CCDC159: variants seen among roughly 807,000 people sequenced by gnomAD.
The protein encoded by CCDC159 is coiled-coil domain-containing protein 159.
In CCDC159, 40 loss-of-function variants were observed where a neutral mutation model predicts 50.9. The observed-to-expected ratio is 0.79, with a 90% CI of 0.61 to 1.02. The LOEUF (loss-of-function observed/expected upper bound fraction) is 1.02, where lower values mean the gene tolerates loss of function less well. CCDC159 is among the 50% of genes least tolerant of loss of function. The pLI, the probability that CCDC159 is intolerant of heterozygous loss-of-function variation, is 0.00. For synonymous variants in CCDC159, 146 were observed against 138.9 expected (o/e 1.05, Z -0.36); for missense variants, 356 against 371.5 (o/e 0.96, Z 0.34).
chr19:11,353,706 A>C, intron 8 of CCDC159, 86 bp from the exon 9 acceptor site: 2 of 1,532,200 alleles, frequency 1.3e-6, no homozygotes, highest in Non-Finnish European at 1.8e-6. Flanking sequence ...TCACCCCACC[A>C]CGGCCCCCAA....
Position 11,349,979 on chromosome 19 carries a change from C to T in CCDC159, c.97C>T (p.Arg33Ter), listed in dbSNP as rs769861667. The T allele has an allele frequency of 3.7e-5, 59 of 1,613,712 alleles. No individual in the cohort carries two copies. Among genetic ancestry groups the T allele is most frequent in the Middle Eastern group, 1.6e-4 (1 of 6,084 alleles). The change falls in exon 3 of 11, where the codon CGA becomes TGA. Residue 33 changes from arginine to a stop codon, truncating the protein, a stop_gained. Coordinates refer to ENST00000458408, the MANE Select transcript of CCDC159 (RefSeq NM_001080503.3). LOFTEE classifies it high-confidence loss of function. ...VMIPDSQKLL[R>*]CELESLKSQL... ...GATTCCCGACTCCCAGAAGCTCCTG[C>T]GATGTGAACTTGAGTCACTCAAGAG... is the stretch of plus-strand genomic sequence containing the variant.
In CCDC159 at chr19:11,350,829, G is replaced by A. The variant is rs373250542; in HGVS notation, c.248G>A (p.Arg83His). 2.9e-5 allele frequency: 45 copies of A among 1,549,668 alleles called. No homozygotes were observed. Among genetic ancestry groups the A allele is most frequent in the Middle Eastern group, 2.1e-4 (1 of 4,804 alleles). Residue 83 changes from arginine to histidine, a missense_variant, in exon 5 of 11, where the codon CGC becomes CAC. Transcript: ENST00000458408. ...QLEEVLSPTG[R>H]QGEKEEHKWG... ...GCAGAGGTGCTGAGCCCCACAGGCC[G>A]CCAGGGAGAGAAGGAGGAGCACAAG...
In CCDC159 at chr19:11,353,738, C is replaced by T. The variant is rs963401109; in HGVS notation, c.690-54C>T. On this transcript the variant is annotated intron_variant, in intron 8 of 10. Transcript: ENST00000458408. ...CCAACCTTAGCTGTACTGCTGTCTA[C>T]ACCCTGAGCAGTGTGGAGTCTCCCA... 81 of 1,545,952 alleles carry T rather than the reference C, an allele frequency of 5.2e-5. No individual in the cohort carries two copies. The East Asian group carries it at 1.9e-3, about 36-fold the overall frequency.
Position 11,349,928 on chromosome 19 carries a change from C to T in CCDC159, c.56-10C>T, listed in dbSNP as rs1184996442. Reference sequence around the variant, plus strand: ...TTACAGCCCTGGCTCACCCTCTTCTCTGCCCACAGCCAAGACCATTGTGAT... The same window carrying T: ...TTACAGCCCTGGCTCACCCTCTTCTTTGCCCACAGCCAAGACCATTGTGAT... On this transcript the variant is annotated splice_polypyrimidine_tract_variant and intron_variant, in intron 2 of 10. Transcript: ENST00000458408. The T allele has an allele frequency of 2.5e-6, 4 of 1,613,752 alleles. No homozygotes were observed. Among genetic ancestry groups the T allele is most frequent in the Non-Finnish European group, 3.4e-6 (4 of 1,179,734 alleles).
Position 11,349,947 on chromosome 19 carries a change from T to C in CCDC159, c.65T>C (p.Ile22Thr), listed in dbSNP as rs1250340349. ...TSSSKVKAKTIVMIPDSQKLL... is the reference protein window; with the variant it reads ...TSSSKVKAKTTVMIPDSQKLL... ...TCTTCTCTGCCCACAGCCAAGACCATTGTGATGATTCCCGACTCCCAGAAG... is the reference window on the plus strand; with the variant it reads ...TCTTCTCTGCCCACAGCCAAGACCACTGTGATGATTCCCGACTCCCAGAAG... Residue 22 changes from isoleucine to threonine, a missense_variant, in exon 3 of 11, where the codon ATT (isoleucine) becomes ACT (threonine). Transcript: ENST00000458408. The C allele has an allele frequency of 2.5e-6, 4 of 1,613,334 alleles. No individual in the cohort carries two copies. Among genetic ancestry groups the C allele is most frequent in the African/African-American group, 2.7e-5 (2 of 74,792 alleles).
chr19:11,349,278 CAG>C (rs1967440177), intron 1 of CCDC159: 3 of 873,414 alleles, frequency 3.4e-6, no homozygotes, highest in Non-Finnish European at 3.2e-6. Context: ...GGCTGTAAGG[CAG>C]AGAGACTCCC....
intron 1 of CCDC159, among the ~76,000 whole-genome samples, chr19:11,347,758 T>C (rs1302982750): frequency 2.0e-5 from 3 of 152,144 alleles, no homozygotes; most frequent in African/African-American, 7.2e-5. Flanking sequence ...CAGGGCAAGG[T>C]GCCTTTCACC....
intron 9 of CCDC159, among the ~76,000 whole-genome samples, chr19:11,354,258 A>G (rs1481573485): frequency 6.6e-6 from 1 of 152,060 alleles, no homozygotes; most frequent in Non-Finnish European, 1.5e-5. Context: ...CCTGTGGCTG[A>G]GCACACCTGT....
intron 2 of CCDC159, 91 bp downstream of exon 2, chr19:11,349,778 C>T: frequency 1.6e-6 from 2 of 1,221,232 alleles, no homozygotes; most frequent in Non-Finnish European, 1.2e-6. Context: ...GTCCCCCTGC[C>T]ATGGTCACCC....
rs750496064 is a variant in CCDC159, at chr19:11,354,858, C to CCT, written c.890-7_890-6dup. Reference sequence around the variant, plus strand: ...TGGACCTGGCCAGGCCCTGACCCACCCTCTCTCTCCACAGCTTGAGCAGCC... The same window carrying CCT: ...TGGACCTGGCCAGGCCCTGACCCACCCTCTCTCTCTCCACAGCTTGAGCAGCC... On this transcript the variant is annotated splice_polypyrimidine_tract_variant and intron_variant, in intron 10 of 10. Coordinates refer to ENST00000458408, the MANE Select transcript of CCDC159 (RefSeq NM_001080503.3). 6.2e-6 allele frequency: 10 copies of CCT among 1,613,188 alleles called. No homozygotes were observed. In the African/African-American group the frequency reaches 1.3e-4, roughly 22 times the overall value.
Position 11,351,905 on chromosome 19 carries a change from G to C in CCDC159, c.423-1G>C. ...AGGTCTAGGCTGCACTGTCCCCTCA[G>C]CAAGAAGTTCCTGTGGGAGGAGCTG... On this transcript the variant is annotated splice_acceptor_variant, in intron 5 of 10. Coordinates refer to ENST00000458408, the MANE Select transcript of CCDC159 (RefSeq NM_001080503.3). LOFTEE classifies it high-confidence loss of function. 1 of 1,592,538 alleles carries C rather than the reference G, an allele frequency of 6.3e-7. No individual in the cohort carries two copies. The highest frequency in any genetic ancestry group is 8.5e-7 in the Non-Finnish European group (1 of 1,170,414).
At chr19:11,352,160 G>T in intron 7 of CCDC159, 27 bp downstream of exon 7, 1 of 1,607,792 alleles carries the variant, frequency 6.2e-7, no homozygotes, top group Non-Finnish European at 8.5e-7. Context: ...GGGACCCTGG[G>T]GAGGAGTGGG....
chr19:11,354,483 T>G, intron 9 of CCDC159, 97 bp from the exon 10 acceptor site: 2 of 1,114,836 alleles, frequency 1.8e-6, no homozygotes, highest in Non-Finnish European at 2.5e-6. Context: ...TTGGGGGTCA[T>G]GGTTTAAGTA....
In CCDC159 at chr19:11,353,559, C is replaced by G; in HGVS notation, c.676C>G (p.Leu226Val). 3.1e-6 allele frequency: 5 copies of G among 1,613,722 alleles called. No homozygotes were observed. Among genetic ancestry groups the G allele is most frequent in the Non-Finnish European group, 3.4e-6 (4 of 1,179,746 alleles). ...GCWKDDLQKELSDIWSAVHVL... is the reference protein window; with the variant it reads ...GCWKDDLQKEVSDIWSAVHVL... ...CTGGAAGGATGACCTCCAGAAGGAA[C>G]TGAGTGATATATGGTGATGCCCAGC... Residue 226 changes from leucine (L) to valine (V), a missense_variant, in exon 8 of 11, where the codon CTG becomes GTG. Transcript: ENST00000458408.
Position 11,354,910 on chromosome 19 carries a change from CAG to C in CCDC159, c.*39_*40del. 1 of 1,612,322 alleles carries C rather than the reference CAG, an allele frequency of 6.2e-7. No homozygotes were observed. Among genetic ancestry groups the C allele is most frequent in the Non-Finnish European group, 8.5e-7 (1 of 1,178,584 alleles). On this transcript the variant is annotated 3_prime_UTR_variant, in exon 11 of 11. Transcript: ENST00000458408. The stretch of plus-strand genomic sequence containing the variant: ...GGACTGCTCTCCCTGAAGACCCCTC[CAG>C]AGAGAAAATAAACTAGCCCAGACCC...
At chr19:11,351,061 TG>T (rs1233740690) in intron 5 of CCDC159, 58 bp downstream of exon 5, 1 of 1,296,662 alleles carries the variant, frequency 7.7e-7, no homozygotes, top group Non-Finnish European at 9.9e-7. Flanking sequence ...GACCCAGAAC[TG>T]GGGAATGGAG....
chr19:11,348,270 C>T (rs150850134), intron 1 of CCDC159: 29 of 397,422 alleles, frequency 7.3e-5, no homozygotes, highest in Middle Eastern at 6.1e-4. Flanking sequence ...AACCTTGGGG[C>T]TGGGATAATC....
chr19:11,354,580 G>T lies in CCDC159; in HGVS notation c.773G>T (p.Gly258Val). 8.2e-6 allele frequency: 13 copies of T among 1,581,018 alleles called. No individual in the cohort carries two copies. Among genetic ancestry groups the T allele is most frequent in the Non-Finnish European group, 1.1e-5 (13 of 1,163,562 alleles). The change falls in exon 10 of 11, where the codon GGC becomes GTC. Residue 258 changes from glycine to valine, a missense_variant and splice_region_variant. Physicochemically the swap from Gly to Val is moderately radical, Grantham distance 109. Coordinates refer to ENST00000458408, the MANE Select transcript of CCDC159 (RefSeq NM_001080503.3). ...TTCAGGGAACCTGTCCCTCCTGCAG[G>T]CCACAAGGGGCACCAGTGCCTGAGC... Reference protein sequence around the residue: ...GACPKASSLRGHKGHQCLSPP... With the variant: ...GACPKASSLRVHKGHQCLSPP...
intron 8 of CCDC159, 61 bp from the exon 9 acceptor site, chr19:11,353,731 C>A: frequency 6.5e-7 from 1 of 1,543,416 alleles, no homozygotes; most frequent in Non-Finnish European, 8.8e-7. Context: ...AGCTGTACTG[C>A]TGTCTACACC....
Sources: allele counts gnomAD v4.1 joint callset (sites outside exome capture counted in the v4.1 genomes callset), GRCh38; gene constraint gnomAD v4.1.1; transcripts MANE v1.5; gene names NCBI Gene and HGNC (gene_info 2026-07-23, HGNC 2026-07-21).